Variants in C6orf52 observed in about 807,000 individuals in gnomAD.
The protein encoded by C6orf52 is chromosome 6 open reading frame 52.
Under a neutral mutation model 16.6 loss-of-function variants are expected in C6orf52, and 16 were observed. The observed-to-expected ratio is 0.96, with a 90% CI of 0.65 to 1.46. The LOEUF (loss-of-function observed/expected upper bound fraction) is 1.46. Among genes scored for constraint, C6orf52 ranks in the 40% most tolerant of loss-of-function variants. The pLI is 0.00. For missense variants in C6orf52, 166 were observed against 182.3 expected (o/e 0.91, Z 0.52); for synonymous variants, 53 against 61.4 (o/e 0.86, Z 0.64).
chr6:10,676,113 G>C (rs1452881559), intron 4 of C6orf52, among the ~76,000 whole-genome samples: 1 of 152,056 alleles, frequency 6.6e-6, no homozygotes, highest in African/African-American at 2.4e-5. Flanking sequence ...CTAGACAACA[G>C]AGTGAGACTC....
upstream of C6orf52, chr6:10,694,880 G>A: frequency 1.3e-6 from 1 of 758,232 alleles, no homozygotes; most frequent in Non-Finnish European, 2.2e-6. Flanking sequence ...TAATTCGAGC[G>A]CCGATGCAGA....
intron 3 of C6orf52, among the ~76,000 whole-genome samples, chr6:10,685,835 C>T (rs1029846640): frequency 6.6e-6 from 1 of 152,180 alleles, no homozygotes; most frequent in African/African-American, 2.4e-5. Context: ...ACACCCACCA[C>T]AATAATGAAA....
Position 10,687,003 on chromosome 6 carries a change from G to T in C6orf52, c.233C>A (p.Thr78Asn). The T allele has an allele frequency of 1.3e-6, 2 of 1,551,436 alleles. No individual in the cohort carries two copies. Among genetic ancestry groups the T allele is most frequent in the Non-Finnish European group, 1.7e-6 (2 of 1,146,844 alleles). Residue 78 changes from threonine to asparagine, a missense_variant, in exon 3 of 5, where the codon ACC (threonine) becomes AAC (asparagine). By Grantham distance (65) the Thr-to-Asn change is moderately conservative. Coordinates refer to ENST00000259983, the MANE Select transcript of C6orf52 (RefSeq NM_001145020.3). ...CAGAGTTCCAGCTGTGTGTTCAGGG[G>T]TCTCATGCGCAGAAAAACAGTCCTT... ...NGKDCFSAHE[T>N]PEHTAGTLVM...
intron 1 of C6orf52, 137 bp from the exon 2 acceptor site, chr6:10,687,698 G>C: frequency 1.5e-6 from 1 of 655,956 alleles, no homozygotes; most frequent in Non-Finnish European, 2.7e-6. Context: ...ATTCCTGCTA[G>C]GCAATTAATT....
intron 4 of C6orf52, 28 bp downstream of exon 4, chr6:10,683,159 A>T: frequency 6.7e-7 from 1 of 1,490,010 alleles, no homozygotes; most frequent in Non-Finnish European, 9.0e-7. Context: ...TTTTGTTTCC[A>T]ACCACTTCAG....
At chr6:10,690,285 T>G (rs1769179558) in intron 1 of C6orf52, among the ~76,000 whole-genome samples, 1 of 152,180 alleles carries the variant, frequency 6.6e-6, no homozygotes, top group African/African-American at 2.4e-5. Flanking sequence ...GCAAACCTTC[T>G]GTTTCAACTA....
chr6:10,687,383 T>TAAA, intron 2 of C6orf52, 97 bp downstream of exon 2: 1 of 836,476 alleles, frequency 1.2e-6, no homozygotes, highest in Non-Finnish European at 1.8e-6. Context: ...CCCAGAACTT[T>TAAA]AAAAAAAAAA....
chr6:10,677,625 G>A lies in C6orf52; in HGVS notation c.316+5562C>T, dbSNP rs183422111. Reference sequence around the variant, plus strand: ...TGGCTCACTCTAACCTCCGCCTCCCGGGTTCCAGCAATTCTCCCACCTCAG... The same window carrying A: ...TGGCTCACTCTAACCTCCGCCTCCCAGGTTCCAGCAATTCTCCCACCTCAG... On this transcript the variant is annotated intron_variant, in intron 4 of 4. Transcript: ENST00000259983. Among the ~76,000 whole-genome samples the A allele has an allele frequency of 1.1e-3, 162 of 151,250 alleles. 5 individuals carry two copies. Among genetic ancestry groups the A allele is most frequent in the Admixed American group, 0.01 (157 of 15,172 alleles).
intron 4 of C6orf52, 71 bp from the exon 5 acceptor site, chr6:10,671,669 T>A: frequency 9.4e-7 from 1 of 1,062,256 alleles, no homozygotes; most frequent in Non-Finnish European, 1.3e-6. Flanking sequence ...AGTTTAAAAT[T>A]AGAAAGCTTT....
In C6orf52 at chr6:10,673,844, G is replaced by A. The variant is rs543276114; in HGVS notation, c.317-2246C>T. On this transcript the variant is annotated intron_variant, in intron 4 of 4. Coordinates refer to ENST00000259983, the MANE Select transcript of C6orf52 (RefSeq NM_001145020.3). ...GGTCCCCTCAATCTGCAGGTGAGGG[G>A]GCAGCCATTAAAAGAAAAAAAATAG... Among the ~76,000 whole-genome samples, 6 of 151,908 alleles carry A rather than the reference G, an allele frequency of 3.9e-5. No individual in the cohort carries two copies. In the South Asian group the frequency reaches 1.2e-3, roughly 32 times the overall value.
At chr6:10,681,753 G>A (rs1396865653) in intron 4 of C6orf52, among the ~76,000 whole-genome samples, 1 of 152,204 alleles carries the variant, frequency 6.6e-6, no homozygotes, top group Non-Finnish European at 1.5e-5. Flanking sequence ...GTGGCAATCT[G>A]TATCCAAAAA....
intron 3 of C6orf52, among the ~76,000 whole-genome samples, chr6:10,684,405 A>T (rs886307893): frequency 2.0e-4 from 30 of 152,366 alleles, no homozygotes; most frequent in African/African-American, 7.2e-4. Flanking sequence ...GACTTGAGTA[A>T]CCACACATTT....
rs557373107 is a variant in C6orf52, at chr6:10,676,785, A to G, written c.317-5187T>C. Among the ~76,000 whole-genome samples the G allele has an allele frequency of 8.6e-4, 131 of 152,246 alleles. 1 individual carries two copies. Among genetic ancestry groups the G allele is most frequent in the African/African-American group, 2.9e-3 (119 of 41,554 alleles). On this transcript the variant is annotated intron_variant, in intron 4 of 4. Transcript: ENST00000259983. ...TTTTCGGAGGCCTGTTTCCTGTCAC[A>G]CAGAGCTGCTCTCCTCTCTCCTTTC...
At chr6:10,689,941 G>C (rs187034837) in intron 1 of C6orf52, among the ~76,000 whole-genome samples, 1 of 152,310 alleles carries the variant, frequency 6.6e-6, no homozygotes, top group Admixed American at 6.5e-5. Context: ...AATAAAACAT[G>C]TCAGTTAAAG....
chr6:10,680,366 A>G (rs994042434), intron 4 of C6orf52, among the ~76,000 whole-genome samples: 1 of 152,208 alleles, frequency 6.6e-6, no homozygotes, highest in South Asian at 2.1e-4. Flanking sequence ...CCTGGGATGA[A>G]TACCACTTGT....
intron 1 of C6orf52, among the ~76,000 whole-genome samples, chr6:10,692,951 G>T (rs1444805690): frequency 6.6e-6 from 1 of 152,224 alleles, no homozygotes; most frequent in East Asian, 1.9e-4. Context: ...AGATGACGTA[G>T]AAAGTAAAAA....
chr6:10,674,253 T>G (rs938762929), intron 4 of C6orf52, among the ~76,000 whole-genome samples: 6 of 152,024 alleles, frequency 3.9e-5, no homozygotes, highest in African/African-American at 1.4e-4. Flanking sequence ...TAAAGACCCA[T>G]CTCCTAAAAC....
At chr6:10,687,603 C>A in intron 1 of C6orf52, 42 bp from the exon 2 acceptor site, 1 of 1,259,682 alleles carries the variant, frequency 7.9e-7, no homozygotes, top group African/African-American at 1.5e-5. Flanking sequence ...ATTCCTGCGT[C>A]AAAAATCCAG....
intron 4 of C6orf52, among the ~76,000 whole-genome samples, chr6:10,681,637 T>G (rs994725745): frequency 6.6e-6 from 1 of 152,158 alleles, no homozygotes; most frequent in Non-Finnish European, 1.5e-5. Flanking sequence ...TACCCACACT[T>G]CCTATAAGAA....
Sources: allele counts gnomAD v4.1 joint callset (sites outside exome capture counted in the v4.1 genomes callset), GRCh38; gene constraint gnomAD v4.1.1; transcripts MANE v1.5; gene names NCBI Gene and HGNC (gene_info 2026-07-23, HGNC 2026-07-21).